The following TAF6 variants were observed in gnomAD, a reference collection of about 807,000 sequenced individuals.
TAF6 encodes TATA-box binding protein associated factor 6, also known as transcription initiation factor TFIID subunit 6.
TAF6 carries 50 observed loss-of-function variants against 73.5 expected under a neutral mutation model. That is an observed-to-expected ratio of 0.68 (90% CI 0.54 to 0.86). TAF6 has a LOEUF of 0.86. Among genes scored for constraint, TAF6 ranks in the 40% least tolerant of loss-of-function variants. TAF6 has a pLI of 0.00. For synonymous variants in TAF6, 424 were observed against 376.7 expected, an observed-to-expected ratio of 1.13 and a Z score of -1.45; for missense variants, 768 against 899.5, an observed-to-expected ratio of 0.85 and a Z score of 1.87.
intron 10 of TAF6, 83 bp from the exon 11 acceptor site, chr7:100,110,357 C>G (rs1328703655): frequency 6.8e-7 from 1 of 1,467,370 alleles, no homozygotes; most frequent in Non-Finnish European, 9.5e-7. Context: ...AGACACTTTC[C>G]TTGTAAATCA....
upstream of TAF6, chr7:100,122,269 G>T (rs777323353): frequency 5.4e-5 from 87 of 1,613,524 alleles, no homozygotes; most frequent in Non-Finnish European, 7.1e-5. Flanking sequence ...TGTGTAAGCT[G>T]CTGAGCACAG....
upstream of TAF6, among the ~76,000 whole-genome samples, chr7:100,123,597 C>T (rs1027378364): frequency 6.6e-5 from 10 of 151,980 alleles, no homozygotes; most frequent in African/African-American, 1.2e-4. Context: ...CTCGGCTCAC[C>T]GCGACCTCCG....
At chr7:100,124,654 T>C (rs377566765), upstream of TAF6, 150 of 1,611,624 alleles carry the variant, frequency 9.3e-5, no homozygotes, top group Non-Finnish European at 1.2e-4. Context: ...GTTGAACTCC[T>C]CTCCTGCCAA....
At chr7:100,114,612 A>G (rs1797524231) in intron 1 of TAF6, 1 of 486,714 alleles carries the variant, frequency 2.1e-6, no homozygotes, top group Admixed American at 3.5e-5. Context: ...CCCAGCTACT[A>G]GGGAGACTAA....
chr7:100,122,325 T>G (rs758348174), upstream of TAF6: 6 of 1,614,006 alleles, frequency 3.7e-6, no homozygotes, highest in African/African-American at 8.0e-5. Context: ...CGAGAGGTGC[T>G]GGAGCTGGGG....
intron 4 of TAF6, 72 bp downstream of exon 4, chr7:100,113,544 A>T: frequency 1.3e-6 from 2 of 1,566,716 alleles, no homozygotes. Context: ...TTCTATTGTG[A>T]GGCTCCTCAC....
chr7:100,117,768 C>A (rs115304524), intron 1 of TAF6, among the ~76,000 whole-genome samples: 1 of 151,604 alleles, frequency 6.6e-6, no homozygotes, highest in Non-Finnish European at 1.5e-5. Context: ...CTGGGCCGGC[C>A]GTGGTGGCTC....
rs372996109 is a variant in TAF6, at chr7:100,112,135, G to A, written c.693C>T (p.Cys231=). Residue 231 remains cysteine (C), a synonymous_variant, in exon 7 of 15, where the codon TGC becomes TGT. Coordinates refer to ENST00000453269, the MANE Select transcript of TAF6 (RefSeq NM_139315.3). ...CCCTCTTGGCCTCGCAGGAGCCCAC[G>A]CAGGCCTCGGTGATCTCCTTGTAGT... ...QLYYKEITEA[C]VGSCEAKRAE... 59 of 1,613,846 alleles carry A rather than the reference G, an allele frequency of 3.7e-5. No individual in the cohort carries two copies. The East Asian group carries it at 7.8e-4, about 21-fold the overall frequency.
At chr7:100,113,264 CAGAGTG>C in intron 5 of TAF6, 79 bp downstream of exon 5, 1 of 1,305,426 alleles carries the variant, frequency 7.7e-7, no homozygotes, top group Non-Finnish European at 1.0e-6. Context: ...GCACAGGCAA[CAGAGTG>C]AGACTCTGTC....
chr7:100,119,817 A>G (rs753850534), upstream of TAF6: 6 of 1,613,894 alleles, frequency 3.7e-6, no homozygotes, highest in African/African-American at 6.7e-5. Flanking sequence ...TGGGATGTTG[A>G]AGGAGGAGGA....
At chr7:100,111,896 T>C (rs1797212870) in intron 8 of TAF6, 26 bp downstream of exon 8, 5 of 1,613,996 alleles carry the variant, frequency 3.1e-6, no homozygotes, top group East Asian at 2.2e-5. Flanking sequence ...CTGCCGTCCC[T>C]GCACTGTGGA....
intron 1 of TAF6, 134 bp downstream of exon 1, chr7:100,119,070 T>C: frequency 1.0e-6 from 1 of 986,058 alleles, no homozygotes; most frequent in African/African-American, 1.7e-5. Context: ...TTAAGCGAGA[T>C]CCCAGCAGAG....
chr7:100,114,248 C>G lies in TAF6; in HGVS notation c.-39G>C, dbSNP rs753657190. On this transcript the variant is annotated 5_prime_UTR_variant, in exon 2 of 15. Coordinates refer to ENST00000453269, the MANE Select transcript of TAF6 (RefSeq NM_139315.3). Reference sequence around the variant, plus strand: ...TTCTCCTCCCTGGAAGGATGAAGCCCCCGGTGGAGAGACGGAGACCCTGGC... The same window carrying G: ...TTCTCCTCCCTGGAAGGATGAAGCCGCCGGTGGAGAGACGGAGACCCTGGC... 2 of 1,613,888 alleles carry G rather than the reference C, an allele frequency of 1.2e-6. No individual in the cohort carries two copies. Among genetic ancestry groups the G allele is most frequent in the South Asian group, 2.2e-5 (2 of 91,076 alleles).
At chr7:100,122,900 G>C, upstream of TAF6, 3 of 1,612,318 alleles carry the variant, frequency 1.9e-6, no homozygotes, top group Non-Finnish European at 2.5e-6. Flanking sequence ...CATACCTCAA[G>C]AAGCAGGTAG....
chr7:100,109,903 G>A, intron 12 of TAF6, 45 bp downstream of exon 12: 4 of 1,606,018 alleles, frequency 2.5e-6, no homozygotes, highest in Non-Finnish European at 3.4e-6. Flanking sequence ...GCTAAACACT[G>A]CCTGTGTCTC....
rs1796587284 is a variant in TAF6 at position 100,107,162 on chromosome 7, TC to T, written c.*83del. 3.3e-6 allele frequency: 5 copies of T among 1,502,220 alleles called. No individual in the cohort carries two copies. In the African/African-American group the frequency reaches 7.0e-5, roughly 21 times the overall value. The allele number at this position is 1,502,220 out of a possible 1,614,324, so 93.1% of individuals were successfully genotyped here. ...TGAAGGAAGCAATCTACAACTTCCT[TC>T]CGCTTAGCGAGCATGCATGTGTGTA... On this transcript the variant is annotated 3_prime_UTR_variant, in exon 15 of 15. Transcript: ENST00000453269.
At position 100,108,477 on chromosome 7, in the gene TAF6, C is replaced by T; in HGVS notation, c.1348G>A (p.Ala450Thr). Residue 450 changes from alanine to threonine, a missense_variant, in exon 13 of 15, where the codon GCA (alanine) becomes ACA (threonine). By Grantham distance (58) the Ala-to-Thr change is moderately conservative. Around this residue, in one of 5 missense-constraint regions of TAF6, gnomAD observed 350 missense variants for 352.3 expected, o/e 0.99. Transcript: ENST00000453269. ...PPPDNQDAYR[A>T]EFGSLGPLLC... ...AGGGGCCCAAGGGACCCGAATTCTG[C>T]CCGATAGGCGTCCTGATTGTCAGGC... The T allele has an allele frequency of 6.2e-7, 1 of 1,613,904 alleles. No homozygotes were observed. The highest frequency in any genetic ancestry group is 8.5e-7 in the Non-Finnish European group (1 of 1,179,866).
chr7:100,108,328 C>G, intron 13 of TAF6, 39 bp downstream of exon 13: 1 of 1,566,960 alleles, frequency 6.4e-7, no homozygotes, highest in Non-Finnish European at 8.7e-7. Context: ...GGGTTCTCCT[C>G]TGCTTCCTCC....
intron 10 of TAF6, among the ~76,000 whole-genome samples, chr7:100,110,753 G>C (rs1268410657): frequency 6.6e-6 from 1 of 152,154 alleles, no homozygotes; most frequent in African/African-American, 2.4e-5. Context: ...GGAGGTTGTG[G>C]TAAGCCAAGA....
Sources: gnomAD v4.1 joint callset for allele counts (sites outside exome capture counted in the v4.1 genomes callset) on GRCh38, gnomAD v4.1.1 for gene constraint, gnomAD v4.1.1 regional missense constraint, MANE v1.5 for transcripts, NCBI Gene and HGNC (gene_info 2026-07-23, HGNC 2026-07-21) for gene names.